FRS2: variants seen among roughly 807,000 people sequenced by gnomAD.
FRS2 encodes the protein fibroblast growth factor receptor substrate 2, also known as FGFR signalling adaptor.
Under a neutral mutation model 43.9 loss-of-function variants are expected in FRS2, and 8 were observed. The observed-to-expected ratio is 0.18, with a 90% CI of 0.11 to 0.33. FRS2 has a LOEUF of 0.33. Ranked by LOEUF, FRS2 falls within the 10% of genes least tolerant of loss-of-function variation. FRS2 has a pLI of 1.00. For synonymous variants in FRS2, 219 were observed against 220.3 expected (o/e 0.99, Z 0.05); for missense variants, 534 against 627.6 (o/e 0.85, Z 1.59).
chr12:69,535,807 G>A (rs189283905), intron 3 of FRS2, among the ~76,000 whole-genome samples: 114 of 152,150 alleles, frequency 7.5e-4, no homozygotes, highest in Admixed American at 7.9e-4. Flanking sequence ...GGTAATTAAT[G>A]TCTCTCACCA....
chr12:69,522,257 C>G (rs545043417), intron 1 of FRS2, among the ~76,000 whole-genome samples: 2 of 147,252 alleles, frequency 1.4e-5, no homozygotes, highest in Non-Finnish European at 3.0e-5. Flanking sequence ...GTTTTGGTAT[C>G]AGGATGATGC....
chr12:69,557,620 GCGCGCGCGCGCGCGCGCAGGTGCA>G (rs1342945903), intron 3 of FRS2, among the ~76,000 whole-genome samples: 3 of 57,108 alleles, frequency 5.3e-5, no homozygotes, highest in African/African-American at 2.8e-4. Context: ...GTGTGTGTGT[GCGCGCGCGCGCGCGCGCAGGTGCA>G]TGCACGCTAG....
In FRS2 at chr12:69,569,108, T is replaced by A; in HGVS notation, c.66+12T>A. 1 of 1,551,174 alleles carries A rather than the reference T, an allele frequency of 6.4e-7. No individual in the cohort carries two copies. Among genetic ancestry groups the A allele is most frequent in the South Asian group, 1.1e-5 (1 of 88,952 alleles). On this transcript the variant is annotated intron_variant, in intron 5 of 8. Coordinates refer to ENST00000549921, the MANE Select transcript of FRS2 (RefSeq NM_001278356.2). ...GGAACAAGTTTAAGGTCAGTAAAAC[T>A]GGTTGAGTTATATATCTTACTGCCT... is the stretch of plus-strand genomic sequence containing the variant.
intron 1 of FRS2, among the ~76,000 whole-genome samples, chr12:69,487,245 C>T (rs1872039906): frequency 6.6e-6 from 1 of 152,202 alleles, no homozygotes; most frequent in Non-Finnish European, 1.5e-5. Flanking sequence ...TTGCAAGATG[C>T]TGTCTAGGAC....
intron 1 of FRS2, among the ~76,000 whole-genome samples, chr12:69,498,153 T>G (rs1873084422): frequency 6.6e-6 from 1 of 152,194 alleles, no homozygotes; most frequent in Non-Finnish European, 1.5e-5. Context: ...CTATGTATTT[T>G]TAGGATTACA....
intron 1 of FRS2, among the ~76,000 whole-genome samples, chr12:69,472,121 C>G (rs78833415): frequency 0.021 from 3,180 of 152,230 alleles, 121 homozygotes; most frequent in African/African-American, 0.071. Flanking sequence ...CAGCCTCATT[C>G]TGCTGCCCAG....
rs1489530619 is a variant in FRS2 at position 69,562,083 on chromosome 12, A to G, written c.-121-97A>G. ...ATCTTTTAGACTTTTGAGTTTGTTTAAATAGATTAACTGAACTAACTGTGC... is the reference window on the plus strand; with the variant it reads ...ATCTTTTAGACTTTTGAGTTTGTTTGAATAGATTAACTGAACTAACTGTGC... On this transcript the variant is annotated intron_variant, in intron 3 of 8. Transcript: ENST00000549921. 3.8e-5 allele frequency: 15 copies of G among 393,500 alleles called. No individual in the cohort carries two copies. The East Asian group carries it at 5.4e-4, about 14-fold the overall frequency. 24.4% of individuals were successfully genotyped at this position (393,500 alleles called of 1,614,324 possible).
intron 1 of FRS2, among the ~76,000 whole-genome samples, chr12:69,502,962 A>G (rs1051728409): frequency 4.6e-5 from 7 of 152,216 alleles, no homozygotes; most frequent in African/African-American, 1.4e-4. Context: ...ACAAATTACC[A>G]TAAATTCAGT....
chr12:69,546,370 G>T (rs1340388461), intron 3 of FRS2, among the ~76,000 whole-genome samples: 1 of 151,906 alleles, frequency 6.6e-6, no homozygotes, highest in African/African-American at 2.4e-5. Context: ...TGATTCTTAC[G>T]TCTCAGCCTC....
chr12:69,489,543 G>A (rs1201446182), intron 1 of FRS2, among the ~76,000 whole-genome samples: 1 of 151,888 alleles, frequency 6.6e-6, no homozygotes, highest in African/African-American at 2.4e-5. Context: ...GGTGGCGCAT[G>A]CCTGTAGTCC....
At chr12:69,512,373 T>C (rs1176290001) in intron 1 of FRS2, among the ~76,000 whole-genome samples, 1 of 152,184 alleles carries the variant, frequency 6.6e-6, no homozygotes, top group African/African-American at 2.4e-5. Flanking sequence ...AACACAAATA[T>C]AGCTAGTTTG....
At chr12:69,547,955 T>G (rs1353420542) in intron 3 of FRS2, among the ~76,000 whole-genome samples, 1 of 149,644 alleles carries the variant, frequency 6.7e-6, no homozygotes, top group Non-Finnish European at 1.5e-5. Flanking sequence ...TCCTTCCATC[T>G]CAGCCTCCTA....
Position 69,576,741 on chromosome 12 carries a change from A to G in FRS2, c.*1786A>G, listed in dbSNP as rs1369933139. 6 of 152,540 alleles carry G rather than the reference A, an allele frequency of 3.9e-5. No individual in the cohort carries two copies. Among genetic ancestry groups the G allele is most frequent in the Admixed American group, 1.3e-4 (2 of 15,274 alleles). 9.4% of individuals were successfully genotyped at this position (152,540 alleles called of 1,614,324 possible). Reference sequence around the variant, plus strand: ...TAGTGCCATTTTTAGTGTCTTTACTATAAATCAATATCAGTGTATTTTATC... The same window carrying G: ...TAGTGCCATTTTTAGTGTCTTTACTGTAAATCAATATCAGTGTATTTTATC... On this transcript the variant is annotated 3_prime_UTR_variant, in exon 9 of 9. Coordinates refer to ENST00000549921, the MANE Select transcript of FRS2 (RefSeq NM_001278356.2).
intron 1 of FRS2, among the ~76,000 whole-genome samples, chr12:69,474,594 A>G (rs1870597303): frequency 6.6e-6 from 1 of 152,208 alleles, no homozygotes; most frequent in South Asian, 2.1e-4. Context: ...TCCAATTGGG[A>G]AATACAGTTT....
intron 8 of FRS2, 45 bp from the exon 9 acceptor site, chr12:69,573,957 TTTG>T (rs762367012): frequency 2.3e-6 from 3 of 1,300,040 alleles, no homozygotes; most frequent in Non-Finnish European, 3.2e-6. Flanking sequence ...TTTTTTCAGT[TTTG>T]TTTTTTTAAG....
chr12:69,566,630 A>G (rs1880320322), intron 4 of FRS2, among the ~76,000 whole-genome samples: 1 of 151,334 alleles, frequency 6.6e-6, no homozygotes, highest in Admixed American at 6.6e-5. Context: ...AAAAAAAAGA[A>G]TATGTGCCAT....
At chr12:69,558,985 C>T (rs904935358) in intron 3 of FRS2, among the ~76,000 whole-genome samples, 14 of 152,128 alleles carry the variant, frequency 9.2e-5, no homozygotes, top group Non-Finnish European at 1.6e-4. Flanking sequence ...CTTTTGTTAG[C>T]TTAATTCAAG....
chr12:69,519,688 T>A (rs764890624), intron 1 of FRS2, among the ~76,000 whole-genome samples: 2 of 152,198 alleles, frequency 1.3e-5, no homozygotes, highest in Non-Finnish European at 2.9e-5. Flanking sequence ...GTTAGTTTGC[T>A]TAGGATAATG....
chr12:69,470,411 C>A lies in FRS2; in HGVS notation c.-380C>A, dbSNP rs965298709. ...TCCAAGATTCGGGCCGGAGAGAGGC[C>A]TTGTAGGCACAGCGGCTGAGACTCG... On this transcript the variant is annotated 5_prime_UTR_variant, in exon 1 of 9. Coordinates refer to ENST00000549921, the MANE Select transcript of FRS2 (RefSeq NM_001278356.2). 9 of 398,570 alleles carry A rather than the reference C, an allele frequency of 2.3e-5. No individual in the cohort carries two copies. The highest frequency in any genetic ancestry group is 4.4e-5 in the Admixed American group (1 of 22,724). 24.7% of individuals were successfully genotyped at this position (398,570 alleles called of 1,614,324 possible). A position where few individuals can be genotyped will look rare whatever the true frequency, so the allele number is the denominator to read the frequency against.
Sources: gnomAD v4.1 joint callset for allele counts (sites outside exome capture counted in the v4.1 genomes callset) on GRCh38, gnomAD v4.1.1 for gene constraint, MANE v1.5 for transcripts, NCBI Gene and HGNC (gene_info 2026-07-23, HGNC 2026-07-21) for gene names.